KCNIP4: variants seen among roughly 807,000 people sequenced by gnomAD.
KCNIP4 encodes the protein potassium voltage-gated channel interacting protein 4.
A neutral mutation model predicts 34.0 loss-of-function variants in KCNIP4; 12 were observed. The ratio of observed to expected loss-of-function variants is 0.35; its 90% confidence interval spans 0.23 to 0.57. The LOEUF is 0.57. Ranked by LOEUF, KCNIP4 falls within the 20% of genes least tolerant of loss-of-function variation. KCNIP4 has a pLI of 0.83. For synonymous variants in KCNIP4, 124 were observed against 102.2 expected (o/e 1.21, Z -1.29); for missense variants, 238 against 311.7 (o/e 0.76, Z 1.78).
intron 1 of KCNIP4, among the ~76,000 whole-genome samples, chr4:21,742,974 T>C (rs1286190914): frequency 6.6e-6 from 1 of 152,164 alleles, no homozygotes; most frequent in Non-Finnish European, 1.5e-5. Flanking sequence ...CTTAAAATGT[T>C]ATCTGTAGAG....
chr4:21,033,563 A>G (rs1487364619), intron 1 of KCNIP4, among the ~76,000 whole-genome samples: 1 of 152,190 alleles, frequency 6.6e-6, no homozygotes, highest in Non-Finnish European at 1.5e-5. Context: ...TTAAAGAAGG[A>G]TAGAGTCAGA....
chr4:21,834,134 C>A (rs1158477290), intron 1 of KCNIP4, among the ~76,000 whole-genome samples: 1 of 152,094 alleles, frequency 6.6e-6, no homozygotes, highest in African/African-American at 2.4e-5. Context: ...TGAAGAAAGT[C>A]ATTGGTAGCT....
At chr4:20,887,510 G>T (rs1172182807) in intron 1 of KCNIP4, among the ~76,000 whole-genome samples, 3 of 151,826 alleles carry the variant, frequency 2.0e-5, no homozygotes, top group Non-Finnish European at 4.4e-5. Flanking sequence ...AGAAGAAAAG[G>T]ACCCGTACAT....
At chr4:21,630,150 C>T (rs971671561) in intron 1 of KCNIP4, among the ~76,000 whole-genome samples, 1 of 151,360 alleles carries the variant, frequency 6.6e-6, no homozygotes, top group Non-Finnish European at 1.5e-5. Context: ...AGGTGTGAGC[C>T]ACCATACCCG....
chr4:20,761,593 G>C (rs1436305986), intron 3 of KCNIP4, among the ~76,000 whole-genome samples: 1 of 152,186 alleles, frequency 6.6e-6, no homozygotes, highest in African/African-American at 2.4e-5. Context: ...CTTGTGCAAA[G>C]TTAGAGCTGG....
intron 1 of KCNIP4, among the ~76,000 whole-genome samples, chr4:21,499,359 A>T (rs1209744667): frequency 6.6e-6 from 1 of 151,498 alleles, no homozygotes; most frequent in Non-Finnish European, 1.5e-5. Flanking sequence ...ACTACATAAT[A>T]TTATAATTTT....
chr4:21,346,079 T>TGTGTATA (rs1247258720), intron 1 of KCNIP4, among the ~76,000 whole-genome samples: 1 of 128,274 alleles, frequency 7.8e-6, no homozygotes, highest in Non-Finnish European at 1.6e-5. Flanking sequence ...AATATATATA[T>TGTGTATA]TTAAGATATT....
At chr4:21,566,710 C>A (rs1229264503) in intron 1 of KCNIP4, among the ~76,000 whole-genome samples, 1 of 152,086 alleles carries the variant, frequency 6.6e-6, no homozygotes, top group East Asian at 1.9e-4. Context: ...AAGGAAGAGA[C>A]AATACTTAGA....
At chr4:21,917,240 T>C (rs1387946460) in intron 1 of KCNIP4, among the ~76,000 whole-genome samples, 1 of 152,092 alleles carries the variant, frequency 6.6e-6, no homozygotes, top group Non-Finnish European at 1.5e-5. Flanking sequence ...GTTCACACGA[T>C]TCTCCTGCCT....
intron 1 of KCNIP4, among the ~76,000 whole-genome samples, chr4:20,973,293 G>A (rs1735155144): frequency 6.6e-6 from 1 of 152,180 alleles, no homozygotes; most frequent in Admixed American, 6.5e-5. Flanking sequence ...CTTATGTTAT[G>A]GAGATGACTT....
intron 1 of KCNIP4, among the ~76,000 whole-genome samples, chr4:21,331,687 C>CT (rs1470160021): frequency 2.9e-5 from 2 of 69,574 alleles, no homozygotes; most frequent in Non-Finnish European, 5.5e-5. Flanking sequence ...TACATATGTC[C>CT]TTTTTATGGA....
chr4:21,134,267 T>G (rs1387181896), intron 1 of KCNIP4, among the ~76,000 whole-genome samples: 2 of 152,200 alleles, frequency 1.3e-5, no homozygotes, highest in African/African-American at 4.8e-5. Context: ...AGATGAAGAC[T>G]TATATGATGA....
At chr4:20,754,441 C>T (rs1176098100) in intron 4 of KCNIP4, among the ~76,000 whole-genome samples, 1 of 152,074 alleles carries the variant, frequency 6.6e-6, no homozygotes, top group African/African-American at 2.4e-5. Flanking sequence ...AGGATGACTC[C>T]GTGGAAGTGT....
intron 1 of KCNIP4, among the ~76,000 whole-genome samples, chr4:21,326,827 G>T (rs1715120891): frequency 6.6e-6 from 1 of 151,582 alleles, no homozygotes; most frequent in Admixed American, 6.6e-5. Context: ...TTTTTGATTT[G>T]AGGTTACTAT....
chr4:21,465,752 A>G (rs1301794272), intron 1 of KCNIP4, among the ~76,000 whole-genome samples: 1 of 152,186 alleles, frequency 6.6e-6, no homozygotes, highest in South Asian at 2.1e-4. Context: ...TACCTGACAC[A>G]TAGTGGGCAC....
At chr4:21,140,393 TATCAAAGCCC>T (rs1392119443) in intron 1 of KCNIP4, among the ~76,000 whole-genome samples, 3 of 152,122 alleles carry the variant, frequency 2.0e-5, no homozygotes, top group Non-Finnish European at 2.9e-5. Context: ...CTTACAATCT[TATCAAAGCCC>T]ATCAAAGCCC....
At chr4:20,862,807 T>A (rs1177779896) in intron 2 of KCNIP4, among the ~76,000 whole-genome samples, 1 of 152,154 alleles carries the variant, frequency 6.6e-6, no homozygotes, top group Non-Finnish European at 1.5e-5. Flanking sequence ...AACAAGATTA[T>A]ATCATTTGCA....
intron 3 of KCNIP4, among the ~76,000 whole-genome samples, chr4:20,802,635 G>T (rs535434872): frequency 6.6e-6 from 1 of 152,028 alleles, no homozygotes; most frequent in Middle Eastern, 3.2e-3. Flanking sequence ...TAAGAATATC[G>T]AAATCATACC....
At chr4:20,851,289 T>C (rs1236375583) in intron 2 of KCNIP4, among the ~76,000 whole-genome samples, 1 of 152,138 alleles carries the variant, frequency 6.6e-6, no homozygotes, top group Non-Finnish European at 1.5e-5. Context: ...CAGTGTTTGG[T>C]TTTCTGTTCC....
Sources: gnomAD v4.1 joint callset for allele counts (sites outside exome capture counted in the v4.1 genomes callset) on GRCh38, gnomAD v4.1.1 for gene constraint, MANE v1.5 for transcripts, NCBI Gene and HGNC (gene_info 2026-07-23, HGNC 2026-07-21) for gene names.